DMAC2: variants seen among roughly 807,000 people sequenced by gnomAD.
DMAC2 encodes the protein distal membrane arm assembly component 2.
Under a neutral mutation model 29.6 loss-of-function variants are expected in DMAC2, and 32 were observed. The ratio of observed to expected loss-of-function variants is 1.08; its 90% CI spans 0.81 to 1.45. The LOEUF (loss-of-function observed/expected upper bound fraction) is 1.45, where lower values mean the gene tolerates loss of function less well. Ranked by LOEUF, DMAC2 falls within the 40% of genes most tolerant of loss-of-function variation. The probability of loss-of-function intolerance (pLI) is 0.00; values close to 1 mark genes in which losing one functional copy is unlikely to be tolerated. For missense variants in DMAC2, 319 were observed against 340.0 expected, an observed-to-expected ratio of 0.94 and a Z score of 0.49; for synonymous variants, 133 against 137.4, an observed-to-expected ratio of 0.97 and a Z score of 0.23.
chr19:41,439,495 G>A (rs1302761624), intron 1 of DMAC2: 4 of 1,536,862 alleles, frequency 2.6e-6, no homozygotes, highest in East Asian at 2.4e-5. Flanking sequence ...GGTCTTCTAA[G>A]ACCAAATCCC....
chr19:41,435,565 C>T (rs868976995), intron 3 of DMAC2, among the ~76,000 whole-genome samples: 2 of 150,404 alleles, frequency 1.3e-5, no homozygotes, highest in South Asian at 2.1e-4. Flanking sequence ...CCACCGCGCC[C>T]GGCCTATTAT....
chr19:41,438,168 C>T, intron 2 of DMAC2, 50 bp downstream of exon 2: 1 of 1,554,398 alleles, frequency 6.4e-7, no homozygotes, highest in Non-Finnish European at 8.8e-7. Flanking sequence ...AGGACCTGGG[C>T]TCTGGTGGGC....
At chr19:41,436,623 G>T in intron 2 of DMAC2, 151 bp from the exon 3 acceptor site, 1 of 671,120 alleles carries the variant, frequency 1.5e-6, no homozygotes, top group Non-Finnish European at 2.6e-6. Flanking sequence ...CCTCCTAAGT[G>T]CTGGGCACTG....
In DMAC2 at chr19:41,433,315, G is replaced by A; in HGVS notation, c.553C>T (p.Pro185Ser). The A allele has an allele frequency of 6.2e-7, 1 of 1,611,418 alleles. No homozygotes were observed. The highest frequency in any genetic ancestry group is 8.5e-7 in the Non-Finnish European group (1 of 1,179,884). Residue 185 changes from proline (P) to serine (S), a missense_variant, in exon 5 of 6, where the codon CCC (proline) becomes TCC (serine). Pro to Ser is a moderately conservative substitution (Grantham distance 74). Transcript: ENST00000221943. ...SLQELSLAGCPRISERGLACL... is the reference protein window; with the variant it reads ...SLQELSLAGCSRISERGLACL... ...GCGAGGCCCCGTTCGGAGATGCGGG[G>A]GCAACCGGCCAGCGAGAGCTCCTGC...
At chr19:41,438,164 T>A (rs2039967829) in intron 2 of DMAC2, 54 bp downstream of exon 2, 1 of 1,541,252 alleles carries the variant, frequency 6.5e-7, no homozygotes, top group Admixed American at 1.8e-5. Context: ...GGACAGGACC[T>A]GGGCTCTGGT....
At chr19:41,438,137 C>T in intron 2 of DMAC2, 81 bp downstream of exon 2, 1 of 1,357,834 alleles carries the variant, frequency 7.4e-7, no homozygotes, top group Non-Finnish European at 1.0e-6. Context: ...AGCCACAGTG[C>T]TGCCTGGGAA....
intron 1 of DMAC2, 72 bp downstream of exon 1, chr19:41,439,810 A>G: frequency 6.2e-7 from 1 of 1,607,192 alleles, no homozygotes; most frequent in Non-Finnish European, 8.5e-7. Context: ...CGTGGCCGCC[A>G]ACAGAGGCCC....
At chr19:41,437,851 C>G (rs782548926) in intron 2 of DMAC2, among the ~76,000 whole-genome samples, 1 of 152,130 alleles carries the variant, frequency 6.6e-6, no homozygotes, top group African/African-American at 2.4e-5. Flanking sequence ...ATGTGGAGGG[C>G]AGGGAAGCAA....
Position 41,433,255 on chromosome 19 carries a change from C to A in DMAC2, c.596+17G>T. The A allele has an allele frequency of 6.2e-7, 1 of 1,600,052 alleles. No homozygotes were observed. The highest frequency in any genetic ancestry group is 8.5e-7 in the Non-Finnish European group (1 of 1,175,024). On this transcript the variant is annotated intron_variant, in intron 5 of 5. Coordinates refer to ENST00000221943, the MANE Select transcript of DMAC2 (RefSeq NM_018035.3). ...GAGGTGCCTGGGCATGTGGCCCAGC[C>A]TGAGCTGAGGTCTCACTGGAGGTGG...
At chr19:41,433,155 T>A (rs770797496) in intron 5 of DMAC2, 117 bp downstream of exon 5, 1 of 1,134,634 alleles carries the variant, frequency 8.8e-7, no homozygotes, top group Non-Finnish European at 1.2e-6. Flanking sequence ...AGGTTTGTGA[T>A]GGATGCAGGG....
intron 5 of DMAC2, chr19:41,432,781 T>TGC (rs1274280122): frequency 1.2e-5 from 3 of 246,488 alleles, no homozygotes; most frequent in Non-Finnish European, 2.1e-5. Context: ...CAGGACAGCG[T>TGC]GCGTGTGTGT....
At position 41,439,811 on chromosome 19, in the gene DMAC2, A is replaced by C. The variant is rs1033064043; in HGVS notation, c.18+71T>G. On this transcript the variant is annotated intron_variant, in intron 1 of 5. Coordinates refer to ENST00000221943, the MANE Select transcript of DMAC2 (RefSeq NM_018035.3). ...CGGCTTTCTGCTCTCGTGGCCGCCA[A>C]CAGAGGCCCTGAATGCGGAGGCTGT... is the stretch of plus-strand genomic sequence containing the variant. 1.0e-5 allele frequency: 16 copies of C among 1,606,960 alleles called. No homozygotes were observed. In the South Asian group the frequency reaches 1.3e-4, roughly 13 times the overall value.
chr19:41,438,097 G>T, intron 2 of DMAC2, 121 bp downstream of exon 2: 2 of 903,686 alleles, frequency 2.2e-6, no homozygotes, highest in Non-Finnish European at 3.5e-6. Flanking sequence ...TGGAGATGGA[G>T]CTGCAAGAGA....
chr19:41,439,589 C>T (rs1287501900), intron 1 of DMAC2: 21 of 1,521,544 alleles, frequency 1.4e-5, no homozygotes, highest in Admixed American at 1.2e-4. Context: ...GTCATCCCTC[C>T]CTCTGATTGG....
rs782740205 is a variant in DMAC2, at chr19:41,438,426, G to A, written c.19-12C>T. Reference sequence around the variant, plus strand: ...ACCAGGCGCAGGGACTGGGGAGGGGGAGAGGAAAGGAGCTGAGCCTGGAGC... The same window carrying A: ...ACCAGGCGCAGGGACTGGGGAGGGGAAGAGGAAAGGAGCTGAGCCTGGAGC... On this transcript the variant is annotated splice_polypyrimidine_tract_variant and intron_variant, in intron 1 of 5. Transcript: ENST00000221943. The A allele has an allele frequency of 4.4e-6, 7 of 1,605,500 alleles. No homozygotes were observed. The highest frequency in any genetic ancestry group is 1.7e-5 in the Admixed American group (1 of 58,720).
chr19:41,436,286 C>T (rs1600017462), intron 3 of DMAC2, 106 bp downstream of exon 3: 7 of 926,752 alleles, frequency 7.6e-6, no homozygotes, highest in Admixed American at 2.1e-5. Context: ...AGCCAGGAGG[C>T]GGCAGAGACC....
chr19:41,432,648 G>C, intron 5 of DMAC2: 1 of 500,690 alleles, frequency 2.0e-6, no homozygotes, highest in Non-Finnish European at 3.6e-6. Flanking sequence ...GGAGGTACAG[G>C]ACAGCGTGTG....
intron 3 of DMAC2, among the ~76,000 whole-genome samples, chr19:41,436,066 G>C (rs184120562): frequency 8.7e-4 from 132 of 152,290 alleles, no homozygotes; most frequent in South Asian, 1.9e-3. Context: ...AGTAGAGACA[G>C]GGTTTCGCCA....
intron 3 of DMAC2, among the ~76,000 whole-genome samples, chr19:41,434,417 A>G (rs1176335585): frequency 6.6e-6 from 1 of 151,244 alleles, no homozygotes; most frequent in Non-Finnish European, 1.5e-5. Context: ...AAAAAAAAAA[A>G]AGGAATGTTT....
Sources: allele counts gnomAD v4.1 joint callset (sites outside exome capture counted in the v4.1 genomes callset), GRCh38; gene constraint gnomAD v4.1.1; transcripts MANE v1.5; gene names NCBI Gene and HGNC (gene_info 2026-07-23, HGNC 2026-07-21).